Variants in RAB2A observed in about 807,000 individuals in gnomAD.
RAB2A encodes ras-related protein Rab-2A.
In RAB2A, 7 loss-of-function variants were observed where a neutral mutation model predicts 32.5. That is an observed-to-expected ratio of 0.22 (90% CI 0.12 to 0.40). The LOEUF is 0.40. Among genes scored for constraint, RAB2A ranks in the 10% least tolerant of loss-of-function variants. The pLI, the probability that RAB2A is intolerant of heterozygous loss-of-function variation, is 1.00. For missense variants in RAB2A, 108 were observed against 260.7 expected, an observed-to-expected ratio of 0.41 and a Z score of 4.03; for synonymous variants, 79 against 85.2, an observed-to-expected ratio of 0.93 and a Z score of 0.40.
At position 60,584,290 on chromosome 8, in the gene RAB2A, G is replaced by A. The variant is rs1378648752; in HGVS notation, c.269G>A (p.Arg90Gln). 4 of 1,588,728 alleles carry A rather than the reference G, an allele frequency of 2.5e-6. No individual in the cohort carries two copies. Among genetic ancestry groups the A allele is most frequent in the Admixed American group, 1.7e-5 (1 of 59,924 alleles). Reference sequence around the variant, plus strand: ...GCTTTACTAGTTTACGATATTACACGGTGAGAACTTGAAAACTTTGCAATT... The same window carrying A: ...GCTTTACTAGTTTACGATATTACACAGTGAGAACTTGAAAACTTTGCAATT... ...AGALLVYDIT[R>Q]RDTFNHLTTW... Residue 90 changes from arginine to glutamine, a missense_variant and splice_region_variant, in exon 4 of 8, where the codon CGG (arginine) becomes CAG (glutamine). Coordinates refer to ENST00000262646, the MANE Select transcript of RAB2A (RefSeq NM_002865.3).
At chr8:60,615,542 T>C (rs1392915035) in intron 6 of RAB2A, among the ~76,000 whole-genome samples, 1 of 152,220 alleles carries the variant, frequency 6.6e-6, no homozygotes, top group Non-Finnish European at 1.5e-5. Context: ...AAATGATCAA[T>C]TTTTTAAAAT....
intron 5 of RAB2A, among the ~76,000 whole-genome samples, chr8:60,589,660 A>G (rs1803909443): frequency 1.3e-5 from 2 of 152,202 alleles, no homozygotes; most frequent in South Asian, 4.1e-4. Context: ...TAAGTAACCT[A>G]AGCAACTTAA....
chr8:60,543,752 G>C (rs183301517), intron 1 of RAB2A, among the ~76,000 whole-genome samples: 1 of 152,064 alleles, frequency 6.6e-6, no homozygotes. Flanking sequence ...TTCCGAAATC[G>C]TTCTATTTAG....
At chr8:60,559,273 C>G (rs902035765) in intron 2 of RAB2A, 2 of 223,462 alleles carry the variant, frequency 9.0e-6, no homozygotes, top group Middle Eastern at 1.7e-3. Flanking sequence ...ACTTGCTGTG[C>G]AAGCCATTTC....
intron 1 of RAB2A, among the ~76,000 whole-genome samples, chr8:60,532,130 CTT>C (rs1807486844): frequency 1.3e-5 from 2 of 152,054 alleles, no homozygotes; most frequent in Non-Finnish European, 2.9e-5. Flanking sequence ...TACACTCACT[CTT>C]AGTATTTTGT....
chr8:60,569,784 T>A (rs748085210), intron 2 of RAB2A: 5 of 301,796 alleles, frequency 1.7e-5, no homozygotes, highest in Non-Finnish European at 2.6e-5. Context: ...AATTGTGGGA[T>A]TACCGGCCAC....
intron 2 of RAB2A, 103 bp from the exon 3 acceptor site, chr8:60,571,943 A>T: frequency 1.4e-6 from 1 of 733,768 alleles, no homozygotes; most frequent in South Asian, 1.7e-5. Flanking sequence ...TCTGTATATT[A>T]CCTAGCATAG....
chr8:60,618,604 A>G lies in RAB2A; in HGVS notation c.499A>G (p.Ile167Val). The G allele has an allele frequency of 8.1e-7, 1 of 1,229,234 alleles. No homozygotes were observed. Among genetic ancestry groups the G allele is most frequent in the Non-Finnish European group, 1.1e-6 (1 of 918,220 alleles). The allele number at this position is 1,229,234 out of a possible 1,614,324, so 76.1% of individuals were successfully genotyped here. The change falls in exon 7 of 8, where the codon ATT becomes GTT. Residue 167 changes from isoleucine (I) to valine (V), a missense_variant. Around this residue, in one of 4 missense-constraint regions of RAB2A, gnomAD observed 79 missense variants for 199.8 expected, o/e 0.40. Coordinates refer to ENST00000262646, the MANE Select transcript of RAB2A (RefSeq NM_002865.3). The stretch of plus-strand genomic sequence containing the variant: ...GGCATTTATTAATACAGCAAAAGAA[A>G]TTTATGAAAAAATTCAAGAAGGAGT... ...EEAFINTAKE[I>V]YEKIQEGVFD...
intron 6 of RAB2A, among the ~76,000 whole-genome samples, chr8:60,602,314 A>T (rs1054056092): frequency 5.3e-5 from 8 of 152,230 alleles, no homozygotes; most frequent in African/African-American, 1.9e-4. Context: ...AAATGCCAGA[A>T]ATATTTTTAC....
In RAB2A at chr8:60,563,028, CA is replaced by C. The variant is rs1377163412; in HGVS notation, c.118+4106del. Among the ~76,000 whole-genome samples, 72 of 151,842 alleles carry C rather than the reference CA, an allele frequency of 4.7e-4. 1 individual carries two copies. Among genetic ancestry groups the C allele is most frequent in the Non-Finnish European group, 5.9e-5 (4 of 67,938 alleles). On this transcript the variant is annotated intron_variant, in intron 2 of 7. Coordinates refer to ENST00000262646, the MANE Select transcript of RAB2A (RefSeq NM_002865.3). The stretch of plus-strand genomic sequence containing the variant: ...TCTTTCAGAGATAAAAAAAAAATAG[CA>C]GATTATTATCACATATTTTTAAAAA...
At chr8:60,610,929 G>T (rs927876282) in intron 6 of RAB2A, among the ~76,000 whole-genome samples, 2 of 152,152 alleles carry the variant, frequency 1.3e-5, no homozygotes, top group Admixed American at 1.3e-4. Context: ...GTGTCTAAAA[G>T]AAATTTTTCA....
chr8:60,580,658 T>G (rs1001143948), intron 3 of RAB2A, among the ~76,000 whole-genome samples: 2 of 152,216 alleles, frequency 1.3e-5, no homozygotes, highest in East Asian at 3.8e-4. Flanking sequence ...AATTTTGTAG[T>G]GGGCAGAAGT....
Position 60,593,008 on chromosome 8 carries a change from A to G in RAB2A, c.474+1039A>G, listed in dbSNP as rs115807646. The stretch of plus-strand genomic sequence containing the variant: ...GGGCAACAGCTAGCATGTGCCTTCA[A>G]TGTAGTAAGCAGTCAGTAAATATTT... On this transcript the variant is annotated intron_variant, in intron 6 of 7. Transcript: ENST00000262646. Among the ~76,000 whole-genome samples, 740 of 152,350 alleles carry G rather than the reference A, an allele frequency of 4.9e-3. 6 individuals are homozygous for G. The highest frequency in any genetic ancestry group is 0.016 in the African/African-American group (675 of 41,590).
chr8:60,622,274 ACTT>A lies in RAB2A; in HGVS notation c.*1506_*1508del, dbSNP rs1342277467. On this transcript the variant is annotated 3_prime_UTR_variant, in exon 8 of 8. Coordinates refer to ENST00000262646, the MANE Select transcript of RAB2A (RefSeq NM_002865.3). ...AGAAGTTCTAACTCTGAAACTAACT[ACTT>A]TCATTTCGCTCATGGCCTTCAACTT... 2.6e-5 allele frequency: 4 copies of A among 152,218 alleles called. No individual in the cohort carries two copies. Among genetic ancestry groups the A allele is most frequent in the African/African-American group, 9.6e-5 (4 of 41,452 alleles). The allele number at this position is 152,218 out of a possible 1,614,324, so 9.4% of individuals were successfully genotyped here.
chr8:60,592,047 T>G (rs1717172858), intron 6 of RAB2A, 78 bp downstream of exon 6: 7 of 876,364 alleles, frequency 8.0e-6, no homozygotes, highest in Non-Finnish European at 1.2e-5. Context: ...TACTTATTAT[T>G]TAAGTTTTTA....
At chr8:60,604,256 G>C (rs1002064656) in intron 6 of RAB2A, among the ~76,000 whole-genome samples, 1 of 152,164 alleles carries the variant, frequency 6.6e-6, no homozygotes, top group Non-Finnish European at 1.5e-5. Context: ...CCACTATCAT[G>C]CTTCCTGTAC....
At chr8:60,527,191 GA>G in intron 1 of RAB2A, among the ~76,000 whole-genome samples, 1 of 152,062 alleles carries the variant, frequency 6.6e-6, no homozygotes, top group Non-Finnish European at 1.5e-5. Context: ...TAAGCAACCA[GA>G]TCTCGTGAGA....
intron 1 of RAB2A, among the ~76,000 whole-genome samples, chr8:60,525,436 G>A (rs1053099209): frequency 3.3e-5 from 5 of 152,082 alleles, no homozygotes; most frequent in Non-Finnish European, 5.9e-5. Context: ...ACCCAGTCTC[G>A]GGTAGTATCT....
chr8:60,565,884 G>C (rs144599072), intron 2 of RAB2A, among the ~76,000 whole-genome samples: 2 of 151,414 alleles, frequency 1.3e-5, no homozygotes, highest in East Asian at 3.9e-4. Context: ...ATAATTTTTT[G>C]TGTTTCTTTC....
Sources: gnomAD v4.1 joint callset for allele counts (sites outside exome capture counted in the v4.1 genomes callset) on GRCh38, gnomAD v4.1.1 for gene constraint, gnomAD v4.1.1 regional missense constraint, MANE v1.5 for transcripts, NCBI Gene and HGNC (gene_info 2026-07-23, HGNC 2026-07-21) for gene names.